Variants in XIST observed in about 807,000 individuals in gnomAD.
XIST encodes X inactive specific transcript (non-protein coding).
chrX:73,828,142 C>T (rs1037182487), intron 5 of XIST: 16 of 424,079 alleles, frequency 3.8e-5, no homozygotes, highest in Non-Finnish European at 5.3e-5. Flanking sequence ...ATTGTTACTA[C>T]GAATACTACT....
At chrX:73,826,285 C>T (rs757374242) in exon 6 of XIST, 2 of 558,946 alleles carry the variant, frequency 3.6e-6, no homozygotes, top group Non-Finnish European at 6.5e-6. Context: ...TCTTCTCAGT[C>T]TAGGGCTTCT....
At chrX:73,850,393 TAATAC>T (rs774006312) in exon 1 of XIST, 5 of 535,804 alleles carry the variant, frequency 9.3e-6, no homozygotes. Context: ...TAAAGCCTCT[TAATAC>T]ATTTCTATAA....
intron 4 of XIST, chrX:73,829,494 G>A (rs1922334870): frequency 9.0e-6 from 2 of 222,136 alleles, no homozygotes; most frequent in South Asian, 9.2e-5. Context: ...TTATACCTTA[G>A]TTAAAGACCA....
exon 1 of XIST, chrX:73,847,019 G>C: frequency 1.8e-6 from 1 of 558,972 alleles, no homozygotes; most frequent in Admixed American, 2.2e-5. Context: ...CCTGATAAAA[G>C]GCACAACTGT....
At chrX:73,826,164 G>C (rs1452730478) in exon 6 of XIST, 1 of 559,224 alleles carries the variant, frequency 1.8e-6, no homozygotes. Context: ...TCAGAAGTCT[G>C]GCACATCTGT....
At chrX:73,842,903 C>T in exon 1 of XIST, 1 of 558,097 alleles carries the variant, frequency 1.8e-6, no homozygotes, top group Non-Finnish European at 3.2e-6. Flanking sequence ...TAAAAAGGGG[C>T]CAAGGGCACA....
In XIST at chrX:73,842,920, G is replaced by A. The variant is rs745664255; in HGVS notation, n.9804C>T. The stretch of plus-strand genomic sequence containing the variant: ...AAAAGGGGCCAAGGGCACACAAGGG[G>A]CAGAGAGAGGGAAGACTTCGTATAT... On this transcript the variant is annotated non_coding_transcript_exon_variant, in exon 1 of 6. Transcript: ENST00000429829. The A allele has an allele frequency of 5.4e-6, 3 of 558,666 alleles. No homozygotes were observed. The East Asian group carries it at 9.7e-5, about 18-fold the overall frequency. The allele number at this position is 558,666 out of a possible 1,213,427, so 46.0% of individuals were successfully genotyped here.
chrX:73,840,413 C>T (rs1922564517), intron 1 of XIST, among the ~76,000 whole-genome samples: 1 of 111,312 alleles, frequency 9.0e-6, no homozygotes, highest in African/African-American at 3.3e-5. Context: ...GTTGCTCCTG[C>T]TGTGATGCAT....
At chrX:73,827,082 C>T in exon 6 of XIST, 1 of 558,851 alleles carries the variant, frequency 1.8e-6, no homozygotes, top group Non-Finnish European at 3.2e-6. Context: ...AACCATCTGT[C>T]TTATACTTTG....
exon 1 of XIST, chrX:73,849,833 G>C: frequency 5.9e-6 from 3 of 507,619 alleles, no homozygotes; most frequent in Non-Finnish European, 7.0e-6. Flanking sequence ...ACTAGGACTG[G>C]GACTGGGGCT....
chrX:73,832,403 C>G (rs916876757), intron 3 of XIST, among the ~76,000 whole-genome samples: 1 of 111,062 alleles, frequency 9.0e-6, no homozygotes, highest in Non-Finnish European at 1.9e-5. Context: ...TACAGAAAAC[C>G]AGGGATTCAG....
intron 4 of XIST, among the ~76,000 whole-genome samples, chrX:73,830,098 C>T (rs191012604): frequency 1.8e-5 from 2 of 109,285 alleles, no homozygotes; most frequent in Admixed American, 2.0e-4. Context: ...AGAAAATTCA[C>T]ATAGGTTGTT....
rs907096927 is a variant in XIST, at chrX:73,846,881, G to A, written n.5843C>T. 2.3e-5 allele frequency: 13 copies of A among 557,559 alleles called. No individual in the cohort carries two copies. In the African/African-American group the frequency reaches 2.9e-4, roughly 12 times the overall value. 45.9% of individuals were successfully genotyped at this position (557,559 alleles called of 1,213,427 possible). A position where few individuals can be genotyped will look rare whatever the true frequency, so the allele number is the denominator to read the frequency against. On this transcript the variant is annotated non_coding_transcript_exon_variant, in exon 1 of 6. Coordinates refer to ENST00000429829, the Ensembl canonical transcript of XIST. ...AGTACCCCATGCAATAAAGCAAAGA[G>A]GGTGTGATAGGTCAGAAACCCAAGT...
intron 2 of XIST, among the ~76,000 whole-genome samples, chrX:73,837,287 T>C (rs989387015): frequency 5.4e-5 from 6 of 111,815 alleles, no homozygotes; most frequent in Non-Finnish European, 1.1e-4. Context: ...TCTACCTTTG[T>C]GGTCTTCCTC....
exon 6 of XIST, chrX:73,826,722 G>A (rs16992443): frequency 1.8e-5 from 10 of 556,480 alleles, no homozygotes; most frequent in African/African-American, 1.1e-4. Context: ...GATTCCGGCC[G>A]TTAGTCTTGA....
exon 1 of XIST, chrX:73,841,898 G>A: frequency 1.9e-6 from 1 of 517,261 alleles, no homozygotes; most frequent in Non-Finnish European, 3.5e-6. Context: ...AGGTGCTCCA[G>A]ATGAAGAAAT....
chrX:73,824,480 G>A (rs1305753334), exon 6 of XIST: 2 of 557,631 alleles, frequency 3.6e-6, no homozygotes, highest in South Asian at 4.5e-5. Context: ...TAAATTTTCA[G>A]TGCCTTTAAC....
exon 1 of XIST, chrX:73,852,107 A>AT (rs1320917165): frequency 2.0e-6 from 1 of 493,546 alleles, no homozygotes. Flanking sequence ...AGGAAAAATA[A>AT]AAAAAAAAAA....
At chrX:73,829,557 G>C (rs1387931893) in intron 4 of XIST, 1 of 145,750 alleles carries the variant, frequency 6.9e-6, no homozygotes. Flanking sequence ...TTGGGAGGTT[G>C]AGGTGGGCGG....
Sources: gnomAD v4.1 joint callset for allele counts (sites outside exome capture counted in the v4.1 genomes callset) on GRCh38, gnomAD v4.1.1 for gene constraint, MANE v1.5 for transcripts, NCBI Gene and HGNC (gene_info 2026-07-23, HGNC 2026-07-21) for gene names.